The following DLG2 variants were observed in gnomAD, a reference collection of about 807,000 sequenced individuals.
DLG2 encodes the protein discs large MAGUK scaffold protein 2.
A neutral mutation model predicts 132.5 loss-of-function variants in DLG2; 45 were observed. The ratio of observed to expected loss-of-function variants is 0.34; its 90% CI spans 0.27 to 0.44. DLG2 has a LOEUF of 0.44. Among genes scored for constraint, DLG2 ranks in the 20% least tolerant of loss-of-function variants. The pLI, the probability that DLG2 is intolerant of heterozygous loss-of-function variation, is 1.00. For missense variants in DLG2, 1,045 were observed against 1,196.9 expected, an observed-to-expected ratio of 0.87 and a Z score of 1.87; for synonymous variants, 424 against 419.6, an observed-to-expected ratio of 1.01 and a Z score of -0.13.
chr11:84,300,326 C>T (rs2098137921), intron 7 of DLG2, among the ~76,000 whole-genome samples: 1 of 152,002 alleles, frequency 6.6e-6, no homozygotes, highest in African/African-American at 2.4e-5. Flanking sequence ...TCATATGTCA[C>T]TCAATTTAAT....
At chr11:83,782,583 G>A (rs974330108) in intron 18 of DLG2, among the ~76,000 whole-genome samples, 1 of 152,122 alleles carries the variant, frequency 6.6e-6, no homozygotes, top group Non-Finnish European at 1.5e-5. Context: ...AAGATGAGTA[G>A]GAATCCTGCA....
intron 6 of DLG2, among the ~76,000 whole-genome samples, chr11:84,797,368 T>A (rs1309405249): frequency 6.6e-6 from 1 of 152,208 alleles, no homozygotes; most frequent in Non-Finnish European, 1.5e-5. Flanking sequence ...ATACTTAGAT[T>A]TACCCTTATG....
At chr11:85,411,600 C>T (rs1192785386) in intron 3 of DLG2, among the ~76,000 whole-genome samples, 2 of 151,756 alleles carry the variant, frequency 1.3e-5, no homozygotes, top group Non-Finnish European at 2.9e-5. Context: ...TTGTGATGAT[C>T]AATGTCATTC....
intron 19 of DLG2, among the ~76,000 whole-genome samples, chr11:83,560,408 G>A (rs951070851): frequency 1.4e-4 from 21 of 152,248 alleles, no homozygotes; most frequent in Non-Finnish European, 1.9e-4. Context: ...GTGAGCCACC[G>A]CAGCTGACCT....
intron 3 of DLG2, among the ~76,000 whole-genome samples, chr11:85,557,140 A>G (rs1292418091): frequency 6.6e-6 from 1 of 151,718 alleles, no homozygotes; most frequent in Non-Finnish European, 1.5e-5. Context: ...CATTTCCATG[A>G]TGAGAACAGT....
chr11:84,548,082 T>G (rs1008571540), intron 6 of DLG2, among the ~76,000 whole-genome samples: 12 of 152,162 alleles, frequency 7.9e-5, no homozygotes, highest in Non-Finnish European at 1.5e-4. Flanking sequence ...GGAGAATTGT[T>G]CCAGCTTTGG....
At chr11:83,584,616 C>T (rs939039261) in intron 19 of DLG2, among the ~76,000 whole-genome samples, 3 of 152,092 alleles carry the variant, frequency 2.0e-5, no homozygotes, top group Admixed American at 1.3e-4. Context: ...AGTTTTAGAT[C>T]CTGGCTGTAA....
chr11:84,729,184 T>A (rs907794288), intron 6 of DLG2, among the ~76,000 whole-genome samples: 5 of 152,160 alleles, frequency 3.3e-5, no homozygotes, highest in Admixed American at 3.3e-4. Context: ...TGTTAGGGTG[T>A]CAATTTTAGA....
chr11:84,376,171 ATC>A (rs966978399), intron 7 of DLG2, among the ~76,000 whole-genome samples: 4 of 151,660 alleles, frequency 2.6e-5, no homozygotes, highest in Non-Finnish European at 5.9e-5. Flanking sequence ...AGCTTTAATT[ATC>A]TCTCTCTCTC....
chr11:84,143,206 G>A (rs1267541098), intron 9 of DLG2, among the ~76,000 whole-genome samples: 1 of 152,136 alleles, frequency 6.6e-6, no homozygotes, highest in East Asian at 1.9e-4. Flanking sequence ...AGGCACATGT[G>A]AACACATGAT....
At chr11:84,214,611 A>G (rs2096811236) in intron 8 of DLG2, among the ~76,000 whole-genome samples, 3 of 152,154 alleles carry the variant, frequency 2.0e-5, no homozygotes, top group Admixed American at 6.5e-5. Flanking sequence ...TTGCACTCTC[A>G]GTACAGCTTC....
chr11:85,234,307 C>T (rs1038623522), intron 4 of DLG2, among the ~76,000 whole-genome samples: 4 of 151,848 alleles, frequency 2.6e-5, no homozygotes, highest in Non-Finnish European at 5.9e-5. Context: ...CCTAAGCTTC[C>T]AAATAACCAC....
chr11:83,717,197 T>A (rs2086912977), intron 18 of DLG2, among the ~76,000 whole-genome samples: 1 of 152,184 alleles, frequency 6.6e-6, no homozygotes, highest in Admixed American at 6.5e-5. Context: ...ACAGAGAACA[T>A]GATTTGCACA....
At chr11:84,040,226 T>G (rs1247305444) in intron 11 of DLG2, among the ~76,000 whole-genome samples, 16 of 151,664 alleles carry the variant, frequency 1.1e-4, no homozygotes, top group African/African-American at 3.6e-4. Flanking sequence ...TTAGTTTAAT[T>G]AGATTCCATT....
At chr11:83,462,894 C>G (rs2090303000) in intron 26 of DLG2, among the ~76,000 whole-genome samples, 2 of 152,084 alleles carry the variant, frequency 1.3e-5, no homozygotes, top group Non-Finnish European at 2.9e-5. Context: ...AAAACCTAAT[C>G]TATTGATTCT....
chr11:84,521,012 A>T (rs1246236438), intron 7 of DLG2, among the ~76,000 whole-genome samples: 1 of 152,220 alleles, frequency 6.6e-6, no homozygotes, highest in Non-Finnish European at 1.5e-5. Context: ...GATGTACATT[A>T]GTCTTTGAGA....
intron 7 of DLG2, among the ~76,000 whole-genome samples, chr11:84,276,198 G>C (rs1170857216): frequency 1.3e-5 from 2 of 152,140 alleles, no homozygotes; most frequent in Non-Finnish European, 2.9e-5. Context: ...AACCTCTTGA[G>C]GTGATAAGTT....
chr11:84,562,090 A>T (rs2154526335), intron 6 of DLG2, among the ~76,000 whole-genome samples: 1 of 152,310 alleles, frequency 6.6e-6, no homozygotes, highest in East Asian at 1.9e-4. Context: ...TTATAAAGTT[A>T]CATGTTTACA....
At chr11:84,871,826 G>A (rs1000424054) in intron 6 of DLG2, among the ~76,000 whole-genome samples, 2 of 151,954 alleles carry the variant, frequency 1.3e-5, no homozygotes, top group East Asian at 1.9e-4. Context: ...GGGTTCAAGC[G>A]AGCATGTGCG....
Sources: gnomAD v4.1 joint callset for allele counts (sites outside exome capture counted in the v4.1 genomes callset) on GRCh38, gnomAD v4.1.1 for gene constraint, MANE v1.5 for transcripts, NCBI Gene and HGNC (gene_info 2026-07-23, HGNC 2026-07-21) for gene names.